Variants in SMARCD1 observed in about 807,000 individuals in gnomAD.
SMARCD1 encodes the protein SWI/SNF related BAF chromatin remodeling complex subunit D1.
A neutral mutation model predicts 70.8 loss-of-function variants in SMARCD1; 16 were observed. The observed-to-expected ratio is 0.23, with a 90% CI of 0.15 to 0.34. SMARCD1 has a LOEUF of 0.34. Ranked by LOEUF, SMARCD1 falls within the 10% of genes least tolerant of loss-of-function variation. The pLI, the probability that SMARCD1 is intolerant of heterozygous loss-of-function variation, is 1.00. For missense variants in SMARCD1, 409 were observed against 655.5 expected (o/e 0.62, Z 4.11); for synonymous variants, 249 against 246.0 (o/e 1.01, Z -0.11).
chr12:50,086,606 A>G lies in SMARCD1; in HGVS notation c.366-15A>G. 6.2e-7 allele frequency: 1 copy of G among 1,613,168 alleles called. No individual in the cohort carries two copies. The highest frequency in any genetic ancestry group is 8.5e-7 in the Non-Finnish European group (1 of 1,179,194). ...AGTTCTGTCCCAACCTGATAATAGT[A>G]TTTATTCCCAACAGTGCAAAGAAAA... is the stretch of plus-strand genomic sequence containing the variant. On this transcript the variant is annotated splice_polypyrimidine_tract_variant and intron_variant, in intron 2 of 12. Transcript: ENST00000394963.
chr12:50,087,283 T>G, intron 4 of SMARCD1, 80 bp from the exon 5 acceptor site: 1 of 1,532,340 alleles, frequency 6.5e-7, no homozygotes. Context: ...TTAGGAGTAA[T>G]TTTGGGGTTT....
intron 4 of SMARCD1, among the ~76,000 whole-genome samples, chr12:50,087,086 A>G (rs928378437): frequency 6.6e-6 from 1 of 152,158 alleles, no homozygotes; most frequent in African/African-American, 2.4e-5. Flanking sequence ...TTGCACTACA[A>G]ATATACCCTT....
chr12:50,091,899 C>T (rs895593892), intron 9 of SMARCD1, among the ~76,000 whole-genome samples: 10 of 152,104 alleles, frequency 6.6e-5, no homozygotes, highest in Non-Finnish European at 1.3e-4. Flanking sequence ...ATTTAAAGCC[C>T]AAAGATCAGC....
At chr12:50,095,353 G>A (rs1233568079) in intron 10 of SMARCD1, among the ~76,000 whole-genome samples, 1 of 151,408 alleles carries the variant, frequency 6.6e-6, no homozygotes, top group Non-Finnish European at 1.5e-5. Context: ...TTGAGATGGA[G>A]TCTTGCTCTG....
At chr12:50,096,670 A>T in intron 10 of SMARCD1, 180 bp from the exon 11 acceptor site, 1 of 571,148 alleles carries the variant, frequency 1.8e-6, no homozygotes, top group Non-Finnish European at 3.1e-6. Context: ...AAACAAGGGC[A>T]AATTACTTGC....
chr12:50,090,008 G>A (rs1950826779), intron 7 of SMARCD1, 23 bp downstream of exon 7: 1 of 1,577,394 alleles, frequency 6.3e-7, no homozygotes, highest in East Asian at 2.2e-5. Context: ...GGTGTGAGGG[G>A]GTCCAGCTTT....
intron 9 of SMARCD1, among the ~76,000 whole-genome samples, chr12:50,092,231 C>CTTTCTTTT (rs1387142527): frequency 1.0e-5 from 1 of 98,372 alleles, no homozygotes; most frequent in Non-Finnish European, 2.0e-5. Context: ...TCTTTTCTTT[C>CTTTCTTTT]TTTCTTTTTT....
chr12:50,097,006 G>T (rs1466334287), intron 11 of SMARCD1, 34 bp downstream of exon 11: 1 of 1,578,050 alleles, frequency 6.3e-7, no homozygotes. Context: ...AAGGGACTTA[G>T]GTCAGTGAGG....
In SMARCD1 at chr12:50,099,211, ACAAAGTTCC is replaced by A; in HGVS notation, c.*214_*222del. 1 of 619,276 alleles carries A rather than the reference ACAAAGTTCC, an allele frequency of 1.6e-6. No individual in the cohort carries two copies. Among genetic ancestry groups the A allele is most frequent in the South Asian group, 1.9e-5 (1 of 52,480 alleles). 38.4% of individuals were successfully genotyped at this position (619,276 alleles called of 1,614,324 possible). ...CCCACCCCCAGCTTCCCTTTGCCCC[ACAAAGTTCC>A]CATGTGCCTGTACCCTCCCCTGGTC... On this transcript the variant is annotated 3_prime_UTR_variant, in exon 13 of 13. Transcript: ENST00000394963.
chr12:50,089,859 C>G, intron 6 of SMARCD1, 25 bp from the exon 7 acceptor site: 1 of 1,553,778 alleles, frequency 6.4e-7, no homozygotes, highest in Non-Finnish European at 8.9e-7. Context: ...TGGGAGAGCA[C>G]CCCCTGACAT....
intron 5 of SMARCD1, 128 bp downstream of exon 5, chr12:50,087,613 C>G (rs537745961): frequency 9.1e-7 from 1 of 1,103,190 alleles, no homozygotes; most frequent in South Asian, 1.5e-5. Context: ...GAGAGGGACA[C>G]TGTTCCCTGC....
At chr12:50,089,632 C>T (rs896704142) in intron 6 of SMARCD1, among the ~76,000 whole-genome samples, 3 of 152,180 alleles carry the variant, frequency 2.0e-5, no homozygotes, top group Non-Finnish European at 4.4e-5. Context: ...GTGTATTATC[C>T]ATTTTGTGGA....
At position 50,086,283 on chromosome 12, in the gene SMARCD1, C is replaced by T. The variant is rs1053368503; in HGVS notation, c.300C>T (p.Arg100=). 5 of 1,599,168 alleles carry T rather than the reference C, an allele frequency of 3.1e-6. No individual in the cohort carries two copies. In the East Asian group the frequency reaches 9.1e-5, roughly 29 times the overall value. Residue 100 remains arginine, a synonymous_variant, in exon 2 of 13, where the codon CGC becomes CGT. Coordinates refer to ENST00000394963, the MANE Select transcript of SMARCD1 (RefSeq NM_003076.5). ...GLAQSGMDQS[R]KRPAPQQIQQ... ...CCCAGTCAGGGATGGATCAGTCCCG[C>T]AAGAGACCTGCCCCTCAGCAGATCC...
At chr12:50,097,241 A>G (rs918601326) in intron 11 of SMARCD1, among the ~76,000 whole-genome samples, 1 of 152,224 alleles carries the variant, frequency 6.6e-6, no homozygotes, top group South Asian at 2.1e-4. Flanking sequence ...AGCAGCCTAC[A>G]TTCTGTCTGA....
At chr12:50,091,933 C>T (rs1176435024) in intron 9 of SMARCD1, among the ~76,000 whole-genome samples, 6 of 152,160 alleles carry the variant, frequency 3.9e-5, no homozygotes, top group Non-Finnish European at 8.8e-5. Context: ...CTGGGCACTT[C>T]CTCCCACTCT....
chr12:50,094,409 T>C, intron 9 of SMARCD1, 28 bp from the exon 10 acceptor site: 1 of 1,609,566 alleles, frequency 6.2e-7, no homozygotes, highest in Non-Finnish European at 8.5e-7. Context: ...ACAAGCTCTT[T>C]ACCAGGCTCC....
At chr12:50,088,298 A>G in intron 5 of SMARCD1, 1 of 703,216 alleles carries the variant, frequency 1.4e-6, no homozygotes, top group Non-Finnish European at 2.6e-6. Context: ...TGGGTAAAAC[A>G]GTGACCCTCT....
chr12:50,090,638 C>T lies in SMARCD1; in HGVS notation c.1133+48C>T, dbSNP rs140039484. ...GTGCTGTGCCGGAGCTGCCTTGTGC[C>T]GATTTGCACAAGCCAGTTGTCAAAT... On this transcript the variant is annotated intron_variant, in intron 9 of 12. Transcript: ENST00000394963. The T allele has an allele frequency of 2.4e-4, 342 of 1,401,820 alleles. 2 individuals carry two copies. The African/African-American group carries it at 3.6e-3, about 15-fold the overall frequency. 86.8% of individuals were successfully genotyped at this position (1,401,820 alleles called of 1,614,324 possible). A position where few individuals can be genotyped will look rare whatever the true frequency, so the allele number is the denominator to read the frequency against.
At position 50,085,899 on chromosome 12, in the gene SMARCD1, A is replaced by G; in HGVS notation, c.178-262A>G. On this transcript the variant is annotated intron_variant, in intron 1 of 12. Coordinates refer to ENST00000394963, the MANE Select transcript of SMARCD1 (RefSeq NM_003076.5). Reference sequence around the variant, plus strand: ...AGCTTCTAAAGAGATAGTAGCTAGCAGAGTAAATGTGGAACTGGCGATGTC... The same window carrying G: ...AGCTTCTAAAGAGATAGTAGCTAGCGGAGTAAATGTGGAACTGGCGATGTC... 4 of 396,666 alleles carry G rather than the reference A, an allele frequency of 1.0e-5. No homozygotes were observed. In the Admixed American group the frequency reaches 1.7e-4, roughly 17 times the overall value. The allele number at this position is 396,666 out of a possible 1,614,324, so 24.6% of individuals were successfully genotyped here. A position where few individuals can be genotyped will look rare whatever the true frequency, so the allele number is the denominator to read the frequency against.
Sources: allele counts gnomAD v4.1 joint callset (sites outside exome capture counted in the v4.1 genomes callset), GRCh38; gene constraint gnomAD v4.1.1; transcripts MANE v1.5; gene names NCBI Gene and HGNC (gene_info 2026-07-23, HGNC 2026-07-21).